Variants in XRN2 observed in about 807,000 individuals in gnomAD.
The protein encoded by XRN2 is 5'-3' exoribonuclease 2, also known as DHM1-like protein.
XRN2 carries 44 observed loss-of-function variants against 138.5 expected under a neutral mutation model. That is an observed-to-expected ratio of 0.32 (90% CI 0.25 to 0.41). XRN2 has a LOEUF of 0.41. Ranked by LOEUF, XRN2 falls within the 10% of genes least tolerant of loss-of-function variation. XRN2 has a pLI of 1.00. For synonymous variants in XRN2, 354 were observed against 369.4 expected (o/e 0.96, Z 0.48); for missense variants, 937 against 1,169.3 (o/e 0.80, Z 2.90).
At chr20:21,367,924 G>C (rs1181275526) in intron 26 of XRN2, among the ~76,000 whole-genome samples, 1 of 152,116 alleles carries the variant, frequency 6.6e-6, no homozygotes, top group East Asian at 1.9e-4. Flanking sequence ...TTTTAGATGA[G>C]CATAATTATA....
At chr20:21,333,402 A>T (rs764816878) in intron 9 of XRN2, 142 bp from the exon 10 acceptor site, 30 of 844,938 alleles carry the variant, frequency 3.6e-5, no homozygotes, top group Non-Finnish European at 5.5e-5. Flanking sequence ...TTATTTTAAA[A>T]TGCATTGGTG....
intron 1 of XRN2, among the ~76,000 whole-genome samples, chr20:21,309,399 A>G (rs2037847763): frequency 6.6e-6 from 1 of 152,140 alleles, no homozygotes; most frequent in African/African-American, 2.4e-5. Context: ...TTTAGTTTGT[A>G]TCTTTCACAG....
At position 21,309,173 on chromosome 20, in the gene XRN2, ATGT is replaced by A. The variant is rs558088352; in HGVS notation, c.75+5703_75+5705del. Among the ~76,000 whole-genome samples, 16 of 152,336 alleles carry A rather than the reference ATGT, an allele frequency of 1.1e-4. No homozygotes were observed. In the East Asian group the frequency reaches 3.1e-3, roughly 29 times the overall value. Reference sequence around the variant, plus strand: ...AATGTGTAGTTGAGATGTCAGAATAATGTTGACCTCAAATTGAGTTCCTTCAGT... The same window carrying A: ...AATGTGTAGTTGAGATGTCAGAATAATGACCTCAAATTGAGTTCCTTCAGT... On this transcript the variant is annotated intron_variant, in intron 1 of 29. Transcript: ENST00000377191.
At chr20:21,334,301 C>A in intron 13 of XRN2, 116 bp downstream of exon 13, 1 of 812,330 alleles carries the variant, frequency 1.2e-6, no homozygotes, top group Non-Finnish European at 2.0e-6. Context: ...GGTGTGTCAA[C>A]ACTAATGTAA....
In XRN2 at chr20:21,389,270, C is replaced by T; in HGVS notation, c.2788-3C>T. On this transcript the variant is annotated splice_polypyrimidine_tract_variant and splice_region_variant and intron_variant, in intron 29 of 29. Transcript: ENST00000377191. ...ATAAACTCTTTCTTTTGTTTATTTT[C>T]AGGGATATCCCAGAGAAGGAAGGAA... is the stretch of plus-strand genomic sequence containing the variant. The T allele has an allele frequency of 6.2e-7, 1 of 1,611,824 alleles. No individual in the cohort carries two copies. The highest frequency in any genetic ancestry group is 8.5e-7 in the Non-Finnish European group (1 of 1,178,980).
chr20:21,309,843 T>C (rs1421315489), intron 1 of XRN2, among the ~76,000 whole-genome samples: 1 of 152,218 alleles, frequency 6.6e-6, no homozygotes, highest in Non-Finnish European at 1.5e-5. Flanking sequence ...CTGATACTTG[T>C]AATTCTACTT....
chr20:21,360,872 T>C (rs955543240), intron 24 of XRN2, among the ~76,000 whole-genome samples: 12 of 152,328 alleles, frequency 7.9e-5, no homozygotes, highest in African/African-American at 2.6e-4. Context: ...TCTGATAGAA[T>C]GTCACAATCC....
intron 28 of XRN2, among the ~76,000 whole-genome samples, chr20:21,383,204 G>C (rs2038903804): frequency 6.6e-6 from 1 of 152,172 alleles, no homozygotes; most frequent in Non-Finnish European, 1.5e-5. Flanking sequence ...TTAATGTTTT[G>C]ATTTTAGTAT....
intron 27 of XRN2, 50 bp downstream of exon 27, chr20:21,368,640 C>T: frequency 6.2e-7 from 1 of 1,600,706 alleles, no homozygotes; most frequent in Non-Finnish European, 8.5e-7. Context: ...AATATCACAG[C>T]AAATGTTGGT....
chr20:21,303,760 C>T, intron 1 of XRN2: 1 of 1,186,212 alleles, frequency 8.4e-7, no homozygotes, highest in Non-Finnish European at 1.0e-6. Flanking sequence ...CACCGGAAGG[C>T]CCCGCCCACT....
At chr20:21,368,387 TTTTA>T in intron 26 of XRN2, 72 bp from the exon 27 acceptor site, 1 of 1,558,232 alleles carries the variant, frequency 6.4e-7, no homozygotes. Flanking sequence ...TGAGCATTTG[TTTTA>T]TTTGTGTCAG....
At chr20:21,336,323 G>A (rs141877433) in intron 13 of XRN2, among the ~76,000 whole-genome samples, 144 of 152,244 alleles carry the variant, frequency 9.5e-4, no homozygotes, top group African/African-American at 2.9e-3. Context: ...TAAGCTGGGC[G>A]TGGTGGTGGG....
rs1555788241 is a variant in XRN2, at chr20:21,377,264, C to CTTTTCTTTTTTTT, written c.2585-4726_2585-4725insCTTTTTTTTTTTT. On this transcript the variant is annotated intron_variant, in intron 27 of 29. Coordinates refer to ENST00000377191, the MANE Select transcript of XRN2 (RefSeq NM_012255.5). The stretch of plus-strand genomic sequence containing the variant: ...CCAACATATGATTTGTCGGTTTTTT[C>CTTTTCTTTTTTTT]TTTTTTTTTTTTTTGGTCAGTCTTG... Among the ~76,000 whole-genome samples, 76 of 82,800 alleles carry CTTTTCTTTTTTTT rather than the reference C, an allele frequency of 9.2e-4. 3 individuals are homozygous for CTTTTCTTTTTTTT. The highest frequency in any genetic ancestry group is 0.012 in the Middle Eastern group (1 of 84). 54.3% of individuals were successfully genotyped at this position (82,800 alleles called of 152,430 possible).
Position 21,358,748 on chromosome 20 carries a change from CGTTTATCTTTACGTATAATTTTTT to C in XRN2, c.2255+969_2255+992del, listed in dbSNP as rs368712588. The stretch of plus-strand genomic sequence containing the variant: ...AAAATCTTTCTGGATGAGTTGCTTA[CGTTTATCTTTACGTATAATTTTTT>C]GTTTATCTTTACACCTAATTTGTCC... On this transcript the variant is annotated intron_variant, in intron 24 of 29. Coordinates refer to ENST00000377191, the MANE Select transcript of XRN2 (RefSeq NM_012255.5). Among the ~76,000 whole-genome samples the C allele has an allele frequency of 2.9e-3, 436 of 152,248 alleles. 1 individual carries two copies. Among genetic ancestry groups the C allele is most frequent in the Middle Eastern group, 0.017 (5 of 294 alleles).
chr20:21,339,954 T>G (rs2038350213), intron 14 of XRN2, among the ~76,000 whole-genome samples: 1 of 152,196 alleles, frequency 6.6e-6, no homozygotes, highest in Non-Finnish European at 1.5e-5. Flanking sequence ...TATTTATTGT[T>G]GCAGTGGGTT....
intron 20 of XRN2, among the ~76,000 whole-genome samples, chr20:21,352,226 ATACT>A (rs1196258601): frequency 2.6e-5 from 4 of 152,226 alleles, no homozygotes; most frequent in Non-Finnish European, 4.4e-5. Flanking sequence ...AGTAATGATA[ATACT>A]TAGTTAAGCT....
At chr20:21,382,169 C>A in intron 28 of XRN2, 112 bp downstream of exon 28, 2 of 798,708 alleles carry the variant, frequency 2.5e-6, no homozygotes, top group Non-Finnish European at 3.7e-6. Flanking sequence ...TTTTTCCCAC[C>A]AAAAACAATT....
intron 14 of XRN2, among the ~76,000 whole-genome samples, 200 bp from the exon 15 acceptor site, chr20:21,340,521 G>C (rs1295049422): frequency 1.3e-5 from 2 of 152,126 alleles, no homozygotes; most frequent in Non-Finnish European, 2.9e-5. Flanking sequence ...AGTATTATAG[G>C]CTATTGTTTA....
chr20:21,348,097 T>A (rs752012767), intron 17 of XRN2, 49 bp from the exon 18 acceptor site: 2 of 1,528,824 alleles, frequency 1.3e-6, no homozygotes, highest in Non-Finnish European at 1.8e-6. Flanking sequence ...ATTGTGTTCA[T>A]CATTAACATA....
Sources: gnomAD v4.1 joint callset for allele counts (sites outside exome capture counted in the v4.1 genomes callset) on GRCh38, gnomAD v4.1.1 for gene constraint, MANE v1.5 for transcripts, NCBI Gene and HGNC (gene_info 2026-07-23, HGNC 2026-07-21) for gene names.